The following C8orf89 variants were observed in gnomAD, a reference collection of about 807,000 sequenced individuals.
C8orf89 encodes the protein putative uncharacterized protein C8orf89.
In C8orf89, 14 loss-of-function variants were observed where a neutral mutation model predicts 15.8. The ratio of observed to expected loss-of-function variants is 0.89; its 90% CI spans 0.59 to 1.39. The LOEUF is 1.39. Among genes scored for constraint, C8orf89 ranks in the 40% most tolerant of loss-of-function variants. The pLI, the probability that C8orf89 is intolerant of heterozygous loss-of-function variation, is 0.00. For synonymous variants in C8orf89, 55 were observed against 62.2 expected (o/e 0.88, Z 0.54); for missense variants, 181 against 184.5 (o/e 0.98, Z 0.11).
At chr8:73,282,451 T>C in the C8orf89 span, among the ~76,000 whole-genome samples, 25 of 152,340 alleles carry the variant, frequency 1.6e-4, no homozygotes, top group Non-Finnish European at 1.9e-4. Context: ...GGTAGAGGCA[T>C]TCCAGGAAAA....
chr8:73,274,188 C>T, the C8orf89 span, among the ~76,000 whole-genome samples: 1 of 151,952 alleles, frequency 6.6e-6, no homozygotes, highest in Admixed American at 6.6e-5. Context: ...GAATCTTGCT[C>T]TGTCGCCCAG....
upstream of C8orf89, among the ~76,000 whole-genome samples, chr8:73,264,449 G>C (rs1813582811): frequency 6.6e-6 from 1 of 152,188 alleles, no homozygotes; most frequent in Non-Finnish European, 1.5e-5. Flanking sequence ...TGAGGGGCAA[G>C]AAGCGCTTCA....
chr8:73,257,590 T>C (rs1408427805), intron 1 of C8orf89, among the ~76,000 whole-genome samples: 2 of 152,210 alleles, frequency 1.3e-5, no homozygotes, highest in African/African-American at 2.4e-5. Context: ...GAGGCACTGA[T>C]TTTGATTTTC....
chr8:73,277,704 C>T, the C8orf89 span: 1 of 751,482 alleles, frequency 1.3e-6, no homozygotes, highest in South Asian at 1.3e-5. Flanking sequence ...TGATGTGCTC[C>T]TTTACCACTG....
At chr8:73,280,573 C>T in the C8orf89 span, among the ~76,000 whole-genome samples, 161 of 152,130 alleles carry the variant, frequency 1.1e-3, no homozygotes, top group African/African-American at 3.7e-3. Flanking sequence ...GGGGTTTCAC[C>T]ATGTTGGCCA....
upstream of C8orf89, among the ~76,000 whole-genome samples, chr8:73,260,883 G>C (rs1813512547): frequency 6.6e-6 from 1 of 152,190 alleles, no homozygotes; most frequent in South Asian, 2.1e-4. Context: ...CTTAATCTGG[G>C]TGGACACGAT....
Position 73,249,934 on chromosome 8 carries a change from G to C in C8orf89, c.337+334C>G, listed in dbSNP as rs140696242. Among the ~76,000 whole-genome samples, 31 of 152,276 alleles carry C rather than the reference G, an allele frequency of 2.0e-4. No individual in the cohort carries two copies. In the East Asian group the frequency reaches 5.6e-3, roughly 28 times the overall value. On this transcript the variant is annotated intron_variant, in intron 3 of 3. Coordinates refer to ENST00000624510, the MANE Select transcript of C8orf89 (RefSeq NM_001243237.3). ...TAACGAGGGAGTCATTCTGTTTGAA[G>C]AAGAGACTAATGTGATTAGAAGTCA...
chr8:73,254,222 T>G (rs866343759), intron 2 of C8orf89, among the ~76,000 whole-genome samples: 1 of 152,178 alleles, frequency 6.6e-6, no homozygotes. Flanking sequence ...TCTGTTTATA[T>G]GCTGGATTAC....
Position 73,250,004 on chromosome 8 carries a change from G to T in C8orf89, c.337+264C>A, listed in dbSNP as rs1813212765. 2.0e-5 allele frequency among the ~76,000 whole-genome samples: 3 copies of T among 152,062 alleles called. No homozygotes were observed. In the South Asian group the frequency reaches 6.2e-4, roughly 31 times the overall value. Reference sequence around the variant, plus strand: ...TGGTATTGAAGGATTTCAAAGATCAGACATTCAAAACAAGAAGACCAGTTT... The same window carrying T: ...TGGTATTGAAGGATTTCAAAGATCATACATTCAAAACAAGAAGACCAGTTT... On this transcript the variant is annotated intron_variant, in intron 3 of 3. Coordinates refer to ENST00000624510, the MANE Select transcript of C8orf89 (RefSeq NM_001243237.3).
Position 73,247,455 on chromosome 8 carries a change from C to T in C8orf89, c.337+2813G>A, listed in dbSNP as rs374238325. ...GGATTTATAGTCCTTTGGGTACATACCCAGTAATGGGATTTCTGGGTCAAA... is the reference window on the plus strand; with the variant it reads ...GGATTTATAGTCCTTTGGGTACATATCCAGTAATGGGATTTCTGGGTCAAA... On this transcript the variant is annotated intron_variant, in intron 3 of 3. Coordinates refer to ENST00000624510, the MANE Select transcript of C8orf89 (RefSeq NM_001243237.3). Among the ~76,000 whole-genome samples the T allele has an allele frequency of 4.9e-4, 75 of 152,276 alleles. 1 individual carries two copies. In the South Asian group the frequency reaches 0.015, roughly 29 times the overall value.
At chr8:73,265,067 C>G in the C8orf89 span, among the ~76,000 whole-genome samples, 1 of 151,480 alleles carries the variant, frequency 6.6e-6, no homozygotes, top group Admixed American at 6.6e-5. Context: ...CATCAGATTG[C>G]AAACACTTCT....
intron 3 of C8orf89, among the ~76,000 whole-genome samples, chr8:73,246,369 T>TTTTTGTTTG (rs1554576472): frequency 6.6e-6 from 1 of 152,074 alleles, no homozygotes; most frequent in African/African-American, 2.4e-5. Flanking sequence ...CTTTTGGGTT[T>TTTTTGTTTG]TTTGTTTGTT....
the C8orf89 span, among the ~76,000 whole-genome samples, chr8:73,275,324 G>C: frequency 1.4e-5 from 2 of 145,286 alleles, no homozygotes; most frequent in African/African-American, 5.1e-5. Flanking sequence ...GCAACCCCTG[G>C]CTCCCAGGTT....
intron 2 of C8orf89, among the ~76,000 whole-genome samples, chr8:73,254,671 C>T (rs978526591): frequency 2.2e-4 from 34 of 152,236 alleles, no homozygotes; most frequent in African/African-American, 8.2e-4. Flanking sequence ...CATCCTAGGC[C>T]CTCCCACCCC....
At chr8:73,283,240 A>G in the C8orf89 span, among the ~76,000 whole-genome samples, 8 of 152,254 alleles carry the variant, frequency 5.3e-5, no homozygotes, top group African/African-American at 1.4e-4. Flanking sequence ...ACCATGTCCA[A>G]TTGTGCAAGT....
chr8:73,270,648 G>A, the C8orf89 span, among the ~76,000 whole-genome samples: 3 of 152,244 alleles, frequency 2.0e-5, no homozygotes, highest in African/African-American at 7.2e-5. Context: ...GCTTACACCT[G>A]TAATCCCAGC....
chr8:73,281,524 G>A, the C8orf89 span, among the ~76,000 whole-genome samples: 1 of 152,188 alleles, frequency 6.6e-6, no homozygotes, highest in Non-Finnish European at 1.5e-5. Flanking sequence ...ATGGTCTATG[G>A]GAGGTAGTGG....
chr8:73,275,257 G>A, the C8orf89 span, among the ~76,000 whole-genome samples: 1 of 28,090 alleles, frequency 3.6e-5, no homozygotes, highest in African/African-American at 1.3e-4. Flanking sequence ...TTTTTTTTTT[G>A]AGACATAGTC....
chr8:73,274,253 A>C, the C8orf89 span, among the ~76,000 whole-genome samples: 1 of 152,060 alleles, frequency 6.6e-6, no homozygotes, highest in African/African-American at 2.4e-5. Context: ...TCCCGGGTTC[A>C]CGCCCTTCTC....
Sources: gnomAD v4.1 joint callset for allele counts (sites outside exome capture counted in the v4.1 genomes callset) on GRCh38, gnomAD v4.1.1 for gene constraint, MANE v1.5 for transcripts, NCBI Gene and HGNC (gene_info 2026-07-23, HGNC 2026-07-21) for gene names.